Variants in MYO1D observed in about 807,000 individuals in gnomAD.
MYO1D encodes myosin ID.
In MYO1D, 83 loss-of-function variants were observed where a neutral mutation model predicts 122.0. That is an observed-to-expected ratio of 0.68 (90% CI 0.57 to 0.82). The LOEUF is 0.82. MYO1D is among the 40% of genes least tolerant of loss of function. MYO1D has a pLI of 0.00. For missense variants in MYO1D, 1,157 were observed against 1,269.5 expected (o/e 0.91, Z 1.35); for synonymous variants, 464 against 446.9 (o/e 1.04, Z -0.48).
Position 32,518,355 on chromosome 17 carries a change from C to T in MYO1D, c.2865-23440G>A, listed in dbSNP as rs536776142. On this transcript the variant is annotated intron_variant, in intron 21 of 21. Transcript: ENST00000318217. ...TCATTACTGTTTATTCATAATTCTG[C>T]GAAGAGCTCTCGCGGTAAAAGTACA... The T allele has an allele frequency of 2.5e-4, 38 of 152,410 alleles. No individual in the cohort carries two copies. In the South Asian group the frequency reaches 7.2e-3, roughly 29 times the overall value. 9.4% of individuals were successfully genotyped at this position (152,410 alleles called of 1,614,324 possible).
chr17:32,731,755 G>C (rs1003493540), intron 14 of MYO1D, among the ~76,000 whole-genome samples: 1 of 152,188 alleles, frequency 6.6e-6, no homozygotes, highest in Non-Finnish European at 1.5e-5. Context: ...CACTTCCTGG[G>C]TGCAGCTGTG....
intron 21 of MYO1D, among the ~76,000 whole-genome samples, chr17:32,557,631 C>T (rs1201993874): frequency 6.6e-6 from 1 of 151,826 alleles, no homozygotes; most frequent in Non-Finnish European, 1.5e-5. Context: ...TCACCCCCAT[C>T]CAGTAGCTGG....
chr17:32,735,956 T>C (rs1454204134), intron 14 of MYO1D, among the ~76,000 whole-genome samples: 1 of 152,194 alleles, frequency 6.6e-6, no homozygotes. Flanking sequence ...AAGGAGCATA[T>C]AGCTGGATTT....
At chr17:32,677,196 C>T (rs1050799231) in intron 16 of MYO1D, among the ~76,000 whole-genome samples, 1 of 152,048 alleles carries the variant, frequency 6.6e-6, no homozygotes, top group African/African-American at 2.4e-5. Context: ...AAAGGCCTTC[C>T]CTACTTTAAA....
intron 11 of MYO1D, among the ~76,000 whole-genome samples, chr17:32,754,743 T>C (rs2089929999): frequency 6.6e-6 from 1 of 152,208 alleles, no homozygotes; most frequent in Non-Finnish European, 1.5e-5. Context: ...TAGACAAGAC[T>C]ATGGGTAGGG....
rs372184395 is a variant in MYO1D, at chr17:32,823,182, C to G, written c.96-42398G>C. 9.9e-5 allele frequency among the ~76,000 whole-genome samples: 15 copies of G among 152,180 alleles called. No individual in the cohort carries two copies. The South Asian group carries it at 2.9e-3, about 29-fold the overall frequency. On this transcript the variant is annotated intron_variant, in intron 1 of 21. Coordinates refer to ENST00000318217, the MANE Select transcript of MYO1D (RefSeq NM_015194.3). ...TATAGGCACCCCTTTTCCTCGTTTTCTTTCTGTCTAGAATGCTGATGAGAG... is the reference window on the plus strand; with the variant it reads ...TATAGGCACCCCTTTTCCTCGTTTTGTTTCTGTCTAGAATGCTGATGAGAG...
chr17:32,781,734 C>CAAA (rs35583086), intron 1 of MYO1D, among the ~76,000 whole-genome samples: 5 of 108,350 alleles, frequency 4.6e-5, no homozygotes, highest in East Asian at 2.3e-4. Flanking sequence ...GGCCACAGGA[C>CAAA]AAAAAAAAAA....
chr17:32,827,269 A>G (rs2090730768), intron 1 of MYO1D, among the ~76,000 whole-genome samples: 3 of 152,240 alleles, frequency 2.0e-5, no homozygotes, highest in Admixed American at 2.0e-4. Context: ...ACATTATAAT[A>G]AGTCATATAA....
intron 1 of MYO1D, among the ~76,000 whole-genome samples, chr17:32,812,121 G>C (rs1460722796): frequency 6.6e-6 from 1 of 152,184 alleles, no homozygotes; most frequent in East Asian, 1.9e-4. Flanking sequence ...TGCCTTAATA[G>C]GGAAGTTGAT....
At chr17:32,539,830 C>T (rs1210795140) in intron 21 of MYO1D, among the ~76,000 whole-genome samples, 2 of 152,182 alleles carry the variant, frequency 1.3e-5, no homozygotes, top group South Asian at 2.1e-4. Flanking sequence ...GCCTGCCACA[C>T]ATGTATAAGC....
At chr17:32,798,761 A>C (rs2090438216) in intron 1 of MYO1D, among the ~76,000 whole-genome samples, 1 of 152,236 alleles carries the variant, frequency 6.6e-6, no homozygotes. Context: ...GAAAGACATC[A>C]GCTATGGCCA....
At chr17:32,786,484 A>C (rs898923833) in intron 1 of MYO1D, among the ~76,000 whole-genome samples, 1 of 152,212 alleles carries the variant, frequency 6.6e-6, no homozygotes, top group Non-Finnish European at 1.5e-5. Flanking sequence ...AACTCAGTGC[A>C]TTTTATCTTT....
chr17:32,834,967 G>A (rs986080209), intron 1 of MYO1D, among the ~76,000 whole-genome samples: 16 of 152,132 alleles, frequency 1.1e-4, no homozygotes, highest in African/African-American at 2.9e-4. Context: ...AGCCCAGATC[G>A]CGCCACTGCA....
chr17:32,594,658 C>A (rs2087474070), intron 21 of MYO1D: 2 of 499,860 alleles, frequency 4.0e-6, no homozygotes, highest in East Asian at 3.1e-5. Flanking sequence ...CTGTTAATAT[C>A]TTCCTTTATA....
intron 16 of MYO1D, among the ~76,000 whole-genome samples, chr17:32,663,413 A>C (rs59100725): frequency 0.16 from 23,599 of 152,142 alleles, 2,150 homozygotes; most frequent in Middle Eastern, 0.24. Flanking sequence ...CACCTTATCC[A>C]GTCATTCAGT....
At chr17:32,576,835 T>A (rs890665241) in intron 21 of MYO1D, among the ~76,000 whole-genome samples, 3 of 152,224 alleles carry the variant, frequency 2.0e-5, no homozygotes, top group Non-Finnish European at 4.4e-5. Context: ...TTTTTATTTT[T>A]AAATTTTTAT....
intron 20 of MYO1D, among the ~76,000 whole-genome samples, chr17:32,605,918 T>G (rs1328258808): frequency 6.6e-6 from 1 of 150,562 alleles, no homozygotes; most frequent in African/African-American, 2.4e-5. Context: ...CCATCTCTAC[T>G]GAAATACAAA....
intron 11 of MYO1D, among the ~76,000 whole-genome samples, chr17:32,749,879 T>C (rs1486682696): frequency 2.0e-5 from 3 of 152,188 alleles, no homozygotes; most frequent in Admixed American, 6.5e-5. Flanking sequence ...TTGTTAGGCA[T>C]ACACATCTTA....
intron 20 of MYO1D, among the ~76,000 whole-genome samples, chr17:32,623,957 G>C (rs1208071338): frequency 1.3e-5 from 2 of 152,126 alleles, no homozygotes; most frequent in Non-Finnish European, 2.9e-5. Flanking sequence ...TTAGGATTTT[G>C]ACATATGAAT....
Sources: gnomAD v4.1 joint callset for allele counts (sites outside exome capture counted in the v4.1 genomes callset) on GRCh38, gnomAD v4.1.1 for gene constraint, MANE v1.5 for transcripts, NCBI Gene and HGNC (gene_info 2026-07-23, HGNC 2026-07-21) for gene names.